The following ADAM17 variants were observed in gnomAD, a reference collection of about 807,000 sequenced individuals.
ADAM17 encodes the protein ADAM metallopeptidase domain 17.
Under a neutral mutation model 96.7 loss-of-function variants are expected in ADAM17, and 39 were observed. The ratio of observed to expected loss-of-function variants is 0.40; its 90% CI spans 0.31 to 0.53. The LOEUF is 0.53. Among genes scored for constraint, ADAM17 ranks in the 20% least tolerant of loss-of-function variants. The pLI, the probability that ADAM17 is intolerant of heterozygous loss-of-function variation, is 0.44. For synonymous variants in ADAM17, 344 were observed against 359.2 expected, an observed-to-expected ratio of 0.96 and a Z score of 0.48; for missense variants, 777 against 1,013.2, an observed-to-expected ratio of 0.77 and a Z score of 3.17.
chr2:9,547,928 G>A (rs1002438051), intron 1 of ADAM17, among the ~76,000 whole-genome samples: 3 of 152,130 alleles, frequency 2.0e-5, no homozygotes, highest in African/African-American at 7.2e-5. Context: ...TTAGCCAGGC[G>A]TGGTGGTGTA....
At chr2:9,503,837 CAAAAAA>C (rs34655910) in intron 12 of ADAM17, among the ~76,000 whole-genome samples, 1 of 124,812 alleles carries the variant, frequency 8.0e-6, no homozygotes. Flanking sequence ...GACTCCGTCT[CAAAAAA>C]AAAAAAAAAG....
At chr2:9,529,969 TACACACACAC>T (rs35137204) in intron 4 of ADAM17, among the ~76,000 whole-genome samples, 2 of 149,466 alleles carry the variant, frequency 1.3e-5, no homozygotes, top group African/African-American at 2.5e-5. Flanking sequence ...ATCTCAAAAA[TACACACACAC>T]ACACACACAC....
In ADAM17 at chr2:9,526,154, C is replaced by G; in HGVS notation, c.710G>C (p.Arg237Thr). The change falls in exon 6 of 19, where the codon AGA becomes ACA. Residue 237 changes from arginine (R) to threonine (T), a missense_variant. By Grantham distance (71) the Arg-to-Thr change is moderately conservative (BLOSUM62 -1). Around this residue, in one of 3 missense-constraint regions of ADAM17, gnomAD observed 446 missense variants for 664.7 expected, o/e 0.67. Coordinates refer to ENST00000310823, the MANE Select transcript of ADAM17 (RefSeq NM_003183.6). Reference protein sequence around the residue: ...LLVVADHRFYRYMGRGEESTT... With the variant: ...LLVVADHRFYTYMGRGEESTT... Reference sequence around the variant, plus strand: ...ACTCTCTTCCCCTCTGCCCATGTATCTGTAGAAGCGATGATCTGCTACCAC... The same window carrying G: ...ACTCTCTTCCCCTCTGCCCATGTATGTGTAGAAGCGATGATCTGCTACCAC... 1 of 1,613,718 alleles carries G rather than the reference C, an allele frequency of 6.2e-7. No homozygotes were observed. Among genetic ancestry groups the G allele is most frequent in the Non-Finnish European group, 8.5e-7 (1 of 1,179,762 alleles).
At chr2:9,515,718 G>T (rs1453394256) in intron 10 of ADAM17, among the ~76,000 whole-genome samples, 1 of 136,356 alleles carries the variant, frequency 7.3e-6, no homozygotes, top group Non-Finnish European at 1.5e-5. Flanking sequence ...TGGGTGACAA[G>T]AGTGAAACTC....
Position 9,490,451 on chromosome 2 carries a change from T to G in ADAM17, c.2201A>C (p.Gln734Pro). The change falls in exon 19 of 19, where the codon CAG becomes CCG. Residue 734 changes from glutamine to proline, a missense_variant. Gln to Pro is a moderately conservative substitution (Grantham distance 76). Coordinates refer to ENST00000310823, the MANE Select transcript of ADAM17 (RefSeq NM_003183.6). ...GGCAGGCTGCAGGCGGCCTGGAGTCTGGGGCGCAGGAAAGGGTTTGATAAT... is the reference window on the plus strand; with the variant it reads ...GGCAGGCTGCAGGCGGCCTGGAGTCGGGGGCGCAGGAAAGGGTTTGATAAT... ...VRIIKPFPAP[Q>P]TPGRLQPAPV... The G allele has an allele frequency of 6.2e-7, 1 of 1,614,090 alleles. No homozygotes were observed. Among genetic ancestry groups the G allele is most frequent in the Non-Finnish European group, 8.5e-7 (1 of 1,179,980 alleles).
intron 2 of ADAM17, among the ~76,000 whole-genome samples, chr2:9,538,986 A>T (rs184323267): frequency 6.6e-6 from 1 of 152,318 alleles, no homozygotes; most frequent in East Asian, 1.9e-4. Context: ...AAGTAATCTG[A>T]TATATTTCAC....
In ADAM17 at chr2:9,527,807, C is replaced by T. The variant is rs936623015; in HGVS notation, c.598G>A (p.Val200Ile). 12 of 1,595,336 alleles carry T rather than the reference C, an allele frequency of 7.5e-6. No homozygotes were observed. The highest frequency in any genetic ancestry group is 8.5e-6 in the Non-Finnish European group (10 of 1,173,200). Reference protein sequence around the residue: ...DNEELLPKGLVDREPPEELVH... With the variant: ...DNEELLPKGLIDREPPEELVH... Reference sequence around the variant, plus strand: ...TTACCTTCAGGTGGTTCTCTGTCTACTAACCCTTTTGGGAGCAACTCTTCA... The same window carrying T: ...TTACCTTCAGGTGGTTCTCTGTCTATTAACCCTTTTGGGAGCAACTCTTCA... Residue 200 changes from valine to isoleucine, a missense_variant, in exon 5 of 19, where the codon GTA becomes ATA. Transcript: ENST00000310823.
intron 2 of ADAM17, among the ~76,000 whole-genome samples, chr2:9,537,967 A>T (rs1665046255): frequency 5.3e-5 from 1 of 18,702 alleles, no homozygotes; most frequent in Non-Finnish European, 9.5e-5. Context: ...AAGAGAGGGG[A>T]AGGGAAGGGG....
At position 9,517,992 on chromosome 2, in the gene ADAM17, A is replaced by G. The variant is rs1367669819; in HGVS notation, c.1103-3T>C. The G allele has an allele frequency of 6.3e-7, 1 of 1,593,090 alleles. No homozygotes were observed. Among genetic ancestry groups the G allele is most frequent in the Admixed American group, 1.8e-5 (1 of 54,260 alleles). ...CTTCCCAACTGGGCTATAATAAGCT[A>G]AAGTCAAAAGGAAACAGAGATAAAT... On this transcript the variant is annotated splice_polypyrimidine_tract_variant and splice_region_variant and intron_variant, in intron 9 of 18. Coordinates refer to ENST00000310823, the MANE Select transcript of ADAM17 (RefSeq NM_003183.6).
In ADAM17 at chr2:9,505,299, G is replaced by A. The variant is rs1402618621; in HGVS notation, c.1411C>T (p.Gln471Ter). 6.2e-7 allele frequency: 1 copy of A among 1,614,110 alleles called. No homozygotes were observed. The highest frequency in any genetic ancestry group is 8.5e-7 in the Non-Finnish European group (1 of 1,180,028). Reference sequence around the variant, plus strand: ...CCACAAACTTTATTGCTGCGTTCTTGAAAACACTCCTGGGCCTTACTTTCA... The same window carrying A: ...CCACAAACTTTATTGCTGCGTTCTTAAAAACACTCCTGGGCCTTACTTTCA... ...TIESKAQECF[Q>*]ERSNKVCGNS... Residue 471 changes from glutamine to a stop codon, truncating the protein, a stop_gained, in exon 12 of 19, where the codon CAA becomes TAA. Coordinates refer to ENST00000310823, the MANE Select transcript of ADAM17 (RefSeq NM_003183.6). LOFTEE classifies it high-confidence loss of function.
At position 9,517,754 on chromosome 2, in the gene ADAM17, C is replaced by G. The variant is rs112421836; in HGVS notation, c.1191+147G>C. On this transcript the variant is annotated intron_variant, in intron 10 of 18. Transcript: ENST00000310823. Reference sequence around the variant, plus strand: ...TCTTTATGCTTTAATTTTCATATATCCCACAAAAATACATAAATTTTATTT... The same window carrying G: ...TCTTTATGCTTTAATTTTCATATATGCCACAAAAATACATAAATTTTATTT... The G allele has an allele frequency of 8.0e-4, 421 of 529,256 alleles. 1 individual carries two copies. The highest frequency in any genetic ancestry group is 7.7e-3 in the African/African-American group (386 of 50,146). The allele number at this position is 529,256 out of a possible 1,614,324, so 32.8% of individuals were successfully genotyped here.
At chr2:9,497,865 T>C (rs1413693062) in intron 13 of ADAM17, among the ~76,000 whole-genome samples, 3 of 152,116 alleles carry the variant, frequency 2.0e-5, no homozygotes, top group African/African-American at 4.8e-5. Flanking sequence ...CTCTCCTTCA[T>C]TGCATATGTT....
At chr2:9,492,499 C>T (rs1197121723) in intron 17 of ADAM17, among the ~76,000 whole-genome samples, 1 of 152,100 alleles carries the variant, frequency 6.6e-6, no homozygotes, top group Admixed American at 6.5e-5. Flanking sequence ...CCATCTGCTG[C>T]CAATAATCTA....
chr2:9,491,239 C>G, intron 17 of ADAM17, 88 bp from the exon 18 acceptor site: 1 of 1,236,500 alleles, frequency 8.1e-7, no homozygotes, highest in Non-Finnish European at 1.2e-6. Context: ...CTAACACTAA[C>G]TGAAGAACTT....
intron 1 of ADAM17, among the ~76,000 whole-genome samples, chr2:9,549,125 C>A (rs1406527507): frequency 1.3e-5 from 2 of 152,180 alleles, no homozygotes; most frequent in African/African-American, 4.8e-5. Flanking sequence ...GTAATCCCAG[C>A]ACTTTGGGAG....
At chr2:9,503,937 G>A (rs1040641413) in intron 12 of ADAM17, among the ~76,000 whole-genome samples, 1 of 151,734 alleles carries the variant, frequency 6.6e-6, no homozygotes, top group African/African-American at 2.4e-5. Context: ...TGGATCACTT[G>A]AGCCCAGGAC....
chr2:9,529,969 T>TACACACAC (rs35137204), intron 4 of ADAM17, among the ~76,000 whole-genome samples: 1 of 149,570 alleles, frequency 6.7e-6, no homozygotes, highest in African/African-American at 2.4e-5. Context: ...ATCTCAAAAA[T>TACACACAC]ACACACACAC....
chr2:9,499,080 G>T (rs1319810775), intron 13 of ADAM17, among the ~76,000 whole-genome samples: 2 of 148,726 alleles, frequency 1.3e-5, no homozygotes, highest in African/African-American at 2.5e-5. Context: ...GCTGCTGGTT[G>T]TGAAATGCTA....
chr2:9,542,023 G>A (rs551867470), intron 2 of ADAM17, among the ~76,000 whole-genome samples: 1 of 152,190 alleles, frequency 6.6e-6, no homozygotes, highest in Non-Finnish European at 1.5e-5. Flanking sequence ...CTGGACGACA[G>A]AGCAAGACTC....
Sources: gnomAD v4.1 joint callset for allele counts (sites outside exome capture counted in the v4.1 genomes callset) on GRCh38, gnomAD v4.1.1 for gene constraint, gnomAD v4.1.1 regional missense constraint, MANE v1.5 for transcripts, NCBI Gene and HGNC (gene_info 2026-07-23, HGNC 2026-07-21) for gene names.